CNKSR3: variants seen among roughly 807,000 people sequenced by gnomAD.
The protein encoded by CNKSR3 is CNKSR family member 3.
Under a neutral mutation model 67.7 loss-of-function variants are expected in CNKSR3, and 36 were observed. The observed-to-expected ratio is 0.53, with a 90% CI of 0.41 to 0.70. CNKSR3 has a LOEUF of 0.70. Among genes scored for constraint, CNKSR3 ranks in the 30% least tolerant of loss-of-function variants. The pLI is 0.00. For synonymous variants in CNKSR3, 281 were observed against 271.4 expected (o/e 1.04, Z -0.35); for missense variants, 630 against 695.2 (o/e 0.91, Z 1.05).
chr6:154,489,836 A>C (rs1321789876), intron 1 of CNKSR3, among the ~76,000 whole-genome samples: 1 of 152,150 alleles, frequency 6.6e-6, no homozygotes, highest in Non-Finnish European at 1.5e-5. Context: ...TTACATACTA[A>C]GCTAGAAACA....
chr6:154,450,804 TC>T (rs1785810712), intron 1 of CNKSR3, among the ~76,000 whole-genome samples: 1 of 152,172 alleles, frequency 6.6e-6, no homozygotes, highest in Admixed American at 6.5e-5. Context: ...AGAAGCTCTT[TC>T]TTACTTTCCA....
At chr6:154,461,896 T>C (rs1015887379) in intron 1 of CNKSR3, among the ~76,000 whole-genome samples, 1 of 152,134 alleles carries the variant, frequency 6.6e-6, no homozygotes, top group African/African-American at 2.4e-5. Flanking sequence ...AGGAATCTCA[T>C]ATTATCCGCA....
At chr6:154,475,012 T>G (rs1234736955) in intron 1 of CNKSR3, among the ~76,000 whole-genome samples, 1 of 152,222 alleles carries the variant, frequency 6.6e-6, no homozygotes, top group African/African-American at 2.4e-5. Flanking sequence ...ATACTATGTT[T>G]ACATTGTTCA....
At chr6:154,408,734 A>G (rs893533293) in intron 12 of CNKSR3, among the ~76,000 whole-genome samples, 1 of 152,116 alleles carries the variant, frequency 6.6e-6, no homozygotes, top group African/African-American at 2.4e-5. Flanking sequence ...ATATACTAAA[A>G]CCCACCTGAC....
rs1784688962 is a variant in CNKSR3, at chr6:154,399,018, G to T, written c.*7336C>A. 6.6e-6 allele frequency: 1 copy of T among 151,892 alleles called. No individual in the cohort carries two copies. The highest frequency in any genetic ancestry group is 2.1e-4 in the South Asian group (1 of 4,812). The allele number at this position is 151,892 out of a possible 1,614,324, so 9.4% of individuals were successfully genotyped here. On this transcript the variant is annotated 3_prime_UTR_variant, in exon 13 of 13. Coordinates refer to ENST00000607772, the MANE Select transcript of CNKSR3 (RefSeq NM_173515.4). ...CACTTGAACCCAGTAGGCGGAAGTT[G>T]CGGTGAGCCAAGATCGTACCATTGC...
intron 1 of CNKSR3, among the ~76,000 whole-genome samples, chr6:154,489,266 C>A (rs1786735783): frequency 6.6e-6 from 1 of 152,168 alleles, no homozygotes; most frequent in Non-Finnish European, 1.5e-5. Context: ...CACGATGACT[C>A]ACGCCTGTAA....
At chr6:154,421,716 T>G (rs1466519476) in intron 9 of CNKSR3, among the ~76,000 whole-genome samples, 1 of 152,212 alleles carries the variant, frequency 6.6e-6, no homozygotes, top group Non-Finnish European at 1.5e-5. Flanking sequence ...TGGGGTGGGC[T>G]GCACTCACCG....
chr6:154,401,589 T>C lies in CNKSR3; in HGVS notation c.*4765A>G, dbSNP rs916407167. ...CATCAAGTATCACTGGCCAAGCCAA[T>C]GAGCAGTCATACCAAAAGTAGTTTA... On this transcript the variant is annotated 3_prime_UTR_variant, in exon 13 of 13. Transcript: ENST00000607772. 6.6e-6 allele frequency: 1 copy of C among 152,232 alleles called. No individual in the cohort carries two copies. The highest frequency in any genetic ancestry group is 1.5e-5 in the Non-Finnish European group (1 of 68,054). The allele number at this position is 152,232 out of a possible 1,614,324, so 9.4% of individuals were successfully genotyped here. A position where few individuals can be genotyped will look rare whatever the true frequency, so the allele number is the denominator to read the frequency against.
In CNKSR3 at chr6:154,404,178, T is replaced by G. The variant is rs1407903030; in HGVS notation, c.*2176A>C. 6.6e-6 allele frequency: 1 copy of G among 151,592 alleles called. No individual in the cohort carries two copies. The highest frequency in any genetic ancestry group is 1.5e-5 in the Non-Finnish European group (1 of 68,236). 9.4% of individuals were successfully genotyped at this position (151,592 alleles called of 1,614,324 possible). On this transcript the variant is annotated 3_prime_UTR_variant, in exon 13 of 13. Coordinates refer to ENST00000607772, the MANE Select transcript of CNKSR3 (RefSeq NM_173515.4). ...CCAAACACCCTTGGGTCTCCATGTC[T>G]CCATGAAATACCAGATCTTTTTCTT... is the stretch of plus-strand genomic sequence containing the variant.
At chr6:154,446,942 C>A (rs2128718541) in intron 2 of CNKSR3, among the ~76,000 whole-genome samples, 1 of 151,874 alleles carries the variant, frequency 6.6e-6, no homozygotes, top group African/African-American at 2.4e-5. Flanking sequence ...GTAGCTGGGA[C>A]TACAGGCACC....
At chr6:154,433,670 G>A (rs1295497628) in intron 4 of CNKSR3, 163 bp from the exon 5 acceptor site, 2 of 614,870 alleles carry the variant, frequency 3.3e-6, no homozygotes, top group South Asian at 2.1e-5. Flanking sequence ...AGAGGGCAGA[G>A]TGGGAACAGA....
chr6:154,425,038 C>T (rs961647551), intron 7 of CNKSR3, among the ~76,000 whole-genome samples: 3 of 152,242 alleles, frequency 2.0e-5, no homozygotes, highest in Non-Finnish European at 4.4e-5. Flanking sequence ...TCCCAAAGTG[C>T]TGAGATTACA....
At chr6:154,483,433 G>A (rs1240256201) in intron 1 of CNKSR3, among the ~76,000 whole-genome samples, 4 of 152,076 alleles carry the variant, frequency 2.6e-5, no homozygotes, top group Non-Finnish European at 1.5e-5. Context: ...TCACTGCCCA[G>A]CACTACCAAT....
intron 7 of CNKSR3, among the ~76,000 whole-genome samples, chr6:154,425,188 C>T (rs1014379384): frequency 2.6e-5 from 4 of 152,208 alleles, no homozygotes; most frequent in African/African-American, 7.2e-5. Context: ...TGATCCTAAT[C>T]GGTCCAGTCC....
intron 9 of CNKSR3, among the ~76,000 whole-genome samples, chr6:154,417,657 G>C (rs1250722352): frequency 6.6e-6 from 1 of 152,168 alleles, no homozygotes; most frequent in African/African-American, 2.4e-5. Flanking sequence ...AGGTGGTTAA[G>C]TTAAAATGGA....
At chr6:154,479,944 C>T (rs1786532312) in intron 1 of CNKSR3, among the ~76,000 whole-genome samples, 1 of 152,206 alleles carries the variant, frequency 6.6e-6, no homozygotes, top group South Asian at 2.1e-4. Flanking sequence ...TGCCCCTGAA[C>T]AGACTGGGGG....
chr6:154,441,302 G>T lies in CNKSR3; in HGVS notation c.497C>A (p.Thr166Lys). 1 of 1,593,664 alleles carries T rather than the reference G, an allele frequency of 6.3e-7. No individual in the cohort carries two copies. Among genetic ancestry groups the T allele is most frequent in the Non-Finnish European group, 8.6e-7 (1 of 1,162,820 alleles). ...IIQLCLDLTTTVQKDCFVAEM... is the reference protein window; with the variant it reads ...IIQLCLDLTTKVQKDCFVAEM... ...TGACATACTACTGACCTTCTGGACT[G>T]TAGTGGTCAGGTCCAAGCAAAGCTG... is the stretch of plus-strand genomic sequence containing the variant. Residue 166 changes from threonine (T) to lysine (K), a missense_variant, in exon 4 of 13, where the codon ACA (threonine) becomes AAA (lysine). Physicochemically the swap from Thr to Lys is moderately conservative, Grantham distance 78. Coordinates refer to ENST00000607772, the MANE Select transcript of CNKSR3 (RefSeq NM_173515.4).
chr6:154,388,244 A>T lies in CNKSR3; in HGVS notation c.*18110T>A, dbSNP rs1784570309. On this transcript the variant is annotated 3_prime_UTR_variant, in exon 13 of 13. Transcript: ENST00000607772. ...AAGTTGACTATTTTAAATATCCCAC[A>T]TAAATTGAATCCTGCCATATTAGTC... 1 of 152,242 alleles carries T rather than the reference A, an allele frequency of 6.6e-6. No homozygotes were observed. The highest frequency in any genetic ancestry group is 2.4e-5 in the African/African-American group (1 of 41,464). The allele number at this position is 152,242 out of a possible 1,614,324, so 9.4% of individuals were successfully genotyped here.
chr6:154,435,026 A>C (rs1785442990), intron 4 of CNKSR3, among the ~76,000 whole-genome samples: 1 of 134,486 alleles, frequency 7.4e-6, no homozygotes, highest in Non-Finnish European at 1.6e-5. Context: ...ACAAGGTCTC[A>C]CTCTCTCGCC....
Sources: gnomAD v4.1 joint callset for allele counts (sites outside exome capture counted in the v4.1 genomes callset) on GRCh38, gnomAD v4.1.1 for gene constraint, MANE v1.5 for transcripts, NCBI Gene and HGNC (gene_info 2026-07-23, HGNC 2026-07-21) for gene names.